The following EPB41L3 variants were observed in gnomAD, a reference collection of about 807,000 sequenced individuals.
EPB41L3 encodes band 4.1-like protein 3.
In EPB41L3, 57 loss-of-function variants were observed where a neutral mutation model predicts 127.1. That is an observed-to-expected ratio of 0.45 (90% CI 0.36 to 0.56). EPB41L3 has a LOEUF of 0.56. EPB41L3 is among the 20% of genes least tolerant of loss of function. EPB41L3 has a pLI of 0.00. For synonymous variants in EPB41L3, 572 were observed against 549.5 expected (o/e 1.04, Z -0.57); for missense variants, 1,273 against 1,372.2 (o/e 0.93, Z 1.14).
chr18:5,618,662 A>G (rs1456302396), intron 1 of EPB41L3, among the ~76,000 whole-genome samples: 1 of 152,166 alleles, frequency 6.6e-6, no homozygotes, highest in African/African-American at 2.4e-5. Flanking sequence ...TCTGAATTCA[A>G]TGTGTATCTT....
intron 3 of EPB41L3, among the ~76,000 whole-genome samples, chr18:5,449,920 AAGAT>A (rs1425675872): frequency 1.3e-5 from 2 of 152,236 alleles, no homozygotes; most frequent in African/African-American, 2.4e-5. Context: ...AAGTGATAGT[AAGAT>A]AGAATAATTA....
In EPB41L3 at chr18:5,543,390, C is replaced by G. The variant is rs1415516937; in HGVS notation, c.-12+523G>C. 1 of 147,490 alleles carries G rather than the reference C, an allele frequency of 6.8e-6. No individual in the cohort carries two copies. The highest frequency in any genetic ancestry group is 1.5e-5 in the Non-Finnish European group (1 of 66,328). 9.1% of individuals were successfully genotyped at this position (147,490 alleles called of 1,614,324 possible). Reference sequence around the variant, plus strand: ...TGCCGCCGCGCGCTGAGCGCAGGGCCCCTCCCGCGGCCCGCCAGCCGCCAC... The same window carrying G: ...TGCCGCCGCGCGCTGAGCGCAGGGCGCCTCCCGCGGCCCGCCAGCCGCCAC... On this transcript the variant is annotated intron_variant, in intron 1 of 22. Coordinates refer to ENST00000341928, the MANE Select transcript of EPB41L3 (RefSeq NM_012307.5). The surrounding 1 kb of genome is among the most constrained non-coding windows in gnomAD (Gnocchi z 5.2).
chr18:5,542,526 C>T (rs2093761079), intron 1 of EPB41L3, among the ~76,000 whole-genome samples: 1 of 151,818 alleles, frequency 6.6e-6, no homozygotes, highest in African/African-American at 2.4e-5. Context: ...AGCAATTCCG[C>T]GAGACTAATG....
At chr18:5,624,027 G>T (rs571848424) in intron 1 of EPB41L3, among the ~76,000 whole-genome samples, 1 of 151,974 alleles carries the variant, frequency 6.6e-6, no homozygotes, top group Non-Finnish European at 1.5e-5. Context: ...TTAAGAAAGG[G>T]TCTTGCTCTG....
chr18:5,547,008 G>A (rs535800486), upstream of EPB41L3, among the ~76,000 whole-genome samples: 5 of 152,040 alleles, frequency 3.3e-5, no homozygotes, highest in Non-Finnish European at 7.4e-5. Flanking sequence ...AATTCTGTAT[G>A]GTTCAATAAT....
At chr18:5,407,341 A>G (rs985166373) in intron 15 of EPB41L3, 15 of 401,308 alleles carry the variant, frequency 3.7e-5, no homozygotes, top group African/African-American at 2.6e-4. Context: ...TTAATGGATG[A>G]GCACACAGTT....
At chr18:5,408,305 G>A (rs1488593719) in intron 14 of EPB41L3, among the ~76,000 whole-genome samples, 3 of 137,042 alleles carry the variant, frequency 2.2e-5, no homozygotes, top group East Asian at 2.1e-4. Context: ...ACAGAGTCTC[G>A]CTTTGTTGTC....
At chr18:5,471,501 T>C (rs957311490) in intron 3 of EPB41L3, among the ~76,000 whole-genome samples, 2 of 152,188 alleles carry the variant, frequency 1.3e-5, no homozygotes, top group Non-Finnish European at 2.9e-5. Flanking sequence ...CACAGGATGG[T>C]GAAAACTAGA....
chr18:5,554,548 T>C (rs957000412), intron 3 of EPB41L3, among the ~76,000 whole-genome samples: 2 of 152,102 alleles, frequency 1.3e-5, no homozygotes, highest in Non-Finnish European at 2.9e-5. Flanking sequence ...CCTCCAACCA[T>C]GGAACTAATT....
At chr18:5,600,107 G>T (rs925234930) in intron 3 of EPB41L3, among the ~76,000 whole-genome samples, 1 of 152,056 alleles carries the variant, frequency 6.6e-6, no homozygotes, top group African/African-American at 2.4e-5. Flanking sequence ...GTTAGATGAT[G>T]TTCTTAAAAT....
At chr18:5,425,729 C>T (rs2078083384) in intron 9 of EPB41L3, among the ~76,000 whole-genome samples, 1 of 152,108 alleles carries the variant, frequency 6.6e-6, no homozygotes, top group African/African-American at 2.4e-5. Context: ...ATTGTAAAAG[C>T]AGAGAGAAGA....
chr18:5,460,006 C>G (rs1183386914), intron 3 of EPB41L3, among the ~76,000 whole-genome samples: 2 of 152,172 alleles, frequency 1.3e-5, no homozygotes, highest in Admixed American at 1.3e-4. Context: ...GTTGCCCAGG[C>G]AGTGAGCATA....
chr18:5,418,814 T>C (rs1434672017), intron 12 of EPB41L3, among the ~76,000 whole-genome samples: 1 of 152,234 alleles, frequency 6.6e-6, no homozygotes, highest in East Asian at 1.9e-4. Context: ...GGGGTAGTGA[T>C]TCTCCATCTC....
intron 8 of EPB41L3, among the ~76,000 whole-genome samples, chr18:5,430,461 A>G (rs965582447): frequency 6.6e-6 from 1 of 152,118 alleles, no homozygotes; most frequent in Non-Finnish European, 1.5e-5. Flanking sequence ...ATTGGATGCA[A>G]GTCTCCATTT....
intron 15 of EPB41L3, 157 bp from the exon 16 acceptor site, chr18:5,407,125 G>A: frequency 8.1e-6 from 5 of 614,136 alleles, no homozygotes; most frequent in African/African-American, 1.8e-5. Context: ...ACACTCTGGT[G>A]AAAATGTGAT....
chr18:5,398,843 ATCC>A, intron 16 of EPB41L3: 1 of 399,302 alleles, frequency 2.5e-6, no homozygotes, highest in Non-Finnish European at 4.4e-6. Context: ...GGACGGCCAC[ATCC>A]TTCTCCAGCT....
intron 1 of EPB41L3, among the ~76,000 whole-genome samples, chr18:5,624,011 T>C (rs138958337): frequency 2.0e-4 from 31 of 151,958 alleles, no homozygotes; most frequent in Admixed American, 2.6e-4. Context: ...TGAATAAACT[T>C]TTTTTTTAAG....
chr18:5,574,013 C>T (rs1327099062), intron 3 of EPB41L3, among the ~76,000 whole-genome samples: 3 of 151,458 alleles, frequency 2.0e-5, no homozygotes, highest in Admixed American at 6.6e-5. Context: ...CGGGTTCAAG[C>T]GATTCTCCTG....
intron 3 of EPB41L3, among the ~76,000 whole-genome samples, chr18:5,598,117 AC>A (rs1049597443): frequency 1.1e-4 from 17 of 152,090 alleles, no homozygotes; most frequent in Admixed American, 6.5e-5. Context: ...AGGCCCAGGA[AC>A]CCCTGGGGGT....
Sources: gnomAD v4.1 joint callset for allele counts (sites outside exome capture counted in the v4.1 genomes callset) on GRCh38, gnomAD v4.1.1 for gene constraint, Gnocchi (gnomAD v3.1) non-coding constraint, MANE v1.5 for transcripts, NCBI Gene and HGNC (gene_info 2026-07-23, HGNC 2026-07-21) for gene names.